KCNQ3: variants seen among roughly 807,000 people sequenced by gnomAD.
The protein encoded by KCNQ3 is potassium voltage-gated channel subfamily Q member 3, also known as potassium voltage-gated channel subfamily KQT member 3.
In KCNQ3, 30 loss-of-function variants were observed where a neutral mutation model predicts 92.5. The observed-to-expected ratio is 0.32, with a 90% CI of 0.24 to 0.44. KCNQ3 has a LOEUF of 0.44. Among genes scored for constraint, KCNQ3 ranks in the 20% least tolerant of loss-of-function variants. The pLI, the probability that KCNQ3 is intolerant of heterozygous loss-of-function variation, is 1.00. For missense variants in KCNQ3, 913 were observed against 1,140.3 expected (o/e 0.80, Z 2.87); for synonymous variants, 450 against 468.8 (o/e 0.96, Z 0.52).
chr8:132,409,774 C>G (rs960036458), intron 1 of KCNQ3, among the ~76,000 whole-genome samples: 2 of 152,160 alleles, frequency 1.3e-5, no homozygotes, highest in Non-Finnish European at 2.9e-5. Context: ...AGGAGAAATA[C>G]ATCAGGGGAG....
intron 1 of KCNQ3, among the ~76,000 whole-genome samples, chr8:132,206,305 G>C (rs1813654924): frequency 6.6e-6 from 1 of 152,120 alleles, no homozygotes; most frequent in South Asian, 2.1e-4. Flanking sequence ...AGTCCAAACT[G>C]TTCCAATTTC....
intron 1 of KCNQ3, among the ~76,000 whole-genome samples, chr8:132,285,620 T>C (rs992612944): frequency 1.1e-4 from 17 of 152,134 alleles, no homozygotes; most frequent in African/African-American, 3.9e-4. Context: ...GAGCACATGG[T>C]AGAGAATGAA....
chr8:132,401,687 T>C (rs1820337735), intron 1 of KCNQ3, among the ~76,000 whole-genome samples: 1 of 152,234 alleles, frequency 6.6e-6, no homozygotes, highest in South Asian at 2.1e-4. Context: ...TAGAACACTT[T>C]TAACTGCAAC....
intron 1 of KCNQ3, among the ~76,000 whole-genome samples, chr8:132,445,047 C>T (rs112593560): frequency 0.015 from 2,355 of 152,278 alleles, 19 homozygotes; most frequent in Middle Eastern, 0.031. Context: ...ACATGCTCTG[C>T]ACCCGATCAA....
chr8:132,462,740 C>A (rs1447498268), intron 1 of KCNQ3, among the ~76,000 whole-genome samples: 2 of 152,220 alleles, frequency 1.3e-5, no homozygotes, highest in Admixed American at 1.3e-4. Context: ...TTATACACAT[C>A]TGGCAGTGTT....
chr8:132,364,904 A>T (rs776296827), intron 1 of KCNQ3, among the ~76,000 whole-genome samples: 18 of 152,292 alleles, frequency 1.2e-4, no homozygotes, highest in Middle Eastern at 3.4e-3. Flanking sequence ...TGAAGTAGGT[A>T]CTATTATTAC....
chr8:132,251,860 C>T (rs1815422592), intron 1 of KCNQ3, among the ~76,000 whole-genome samples: 1 of 152,218 alleles, frequency 6.6e-6, no homozygotes, highest in African/African-American at 2.4e-5. Flanking sequence ...CTATCTGGAC[C>T]TTTATATGCC....
chr8:132,352,571 C>T (rs1346760304), intron 1 of KCNQ3, among the ~76,000 whole-genome samples: 1 of 152,186 alleles, frequency 6.6e-6, no homozygotes, highest in Non-Finnish European at 1.5e-5. Flanking sequence ...CACCACAGTG[C>T]TTGCAGGGAG....
chr8:132,350,889 A>G (rs1586948805), intron 1 of KCNQ3, among the ~76,000 whole-genome samples: 1 of 152,106 alleles, frequency 6.6e-6, no homozygotes, highest in Non-Finnish European at 1.5e-5. Context: ...CTCAAGAGAG[A>G]GGAATTTTTT....
intron 1 of KCNQ3, among the ~76,000 whole-genome samples, chr8:132,297,814 C>T (rs924803127): frequency 2.0e-5 from 3 of 152,308 alleles, no homozygotes; most frequent in Non-Finnish European, 2.9e-5. Flanking sequence ...AGCTGCTAAC[C>T]GGAACTCATG....
chr8:132,179,136 C>T lies in KCNQ3; in HGVS notation c.777+1021G>A, dbSNP rs1052782173. On this transcript the variant is annotated intron_variant, in intron 4 of 14. Transcript: ENST00000388996. ...GAGCTGAGACACAGGGGTTTTCCTTCATTCCTCCAGAATCCAGCTAAAGCA... is the reference window on the plus strand; with the variant it reads ...GAGCTGAGACACAGGGGTTTTCCTTTATTCCTCCAGAATCCAGCTAAAGCA... 2.0e-5 allele frequency among the ~76,000 whole-genome samples: 3 copies of T among 150,936 alleles called. No homozygotes were observed. The South Asian group carries it at 6.4e-4, about 32-fold the overall frequency.
chr8:132,282,420 A>T (rs1004030816), intron 1 of KCNQ3, among the ~76,000 whole-genome samples: 2 of 152,110 alleles, frequency 1.3e-5, no homozygotes, highest in African/African-American at 4.8e-5. Context: ...TCCCAGTCCC[A>T]TCTGTCCCCC....
rs78020048 is a variant in KCNQ3, at chr8:132,132,521, G to A, written c.1800-257C>T. The stretch of plus-strand genomic sequence containing the variant: ...CCAAATATCAAGCTGCTATTAAGGA[G>A]GCTTTGCTTTGTGTTAAACATTATA... On this transcript the variant is annotated intron_variant, in intron 13 of 14. Transcript: ENST00000388996. Among the ~76,000 whole-genome samples, 18 of 152,318 alleles carry A rather than the reference G, an allele frequency of 1.2e-4. No individual in the cohort carries two copies. The East Asian group carries it at 3.5e-3, about 29-fold the overall frequency.
intron 3 of KCNQ3, among the ~76,000 whole-genome samples, chr8:132,183,898 A>G (rs947941746): frequency 1.1e-4 from 17 of 152,126 alleles, no homozygotes; most frequent in African/African-American, 4.1e-4. Flanking sequence ...GGTAACTTTG[A>G]TTGTCACAGT....
intron 9 of KCNQ3, among the ~76,000 whole-genome samples, chr8:132,160,880 A>G (rs1825964526): frequency 6.6e-6 from 1 of 152,144 alleles, no homozygotes; most frequent in East Asian, 1.9e-4. Context: ...TATAAAGTAT[A>G]TATGCTTTAT....
chr8:132,155,338 T>C (rs1825770353), intron 9 of KCNQ3, among the ~76,000 whole-genome samples: 1 of 152,126 alleles, frequency 6.6e-6, no homozygotes. Context: ...AGGAGAAAAG[T>C]GTTGCAAAGC....
intron 1 of KCNQ3, among the ~76,000 whole-genome samples, chr8:132,232,787 C>A (rs1814684256): frequency 6.6e-6 from 1 of 152,168 alleles, no homozygotes; most frequent in Non-Finnish European, 1.5e-5. Flanking sequence ...GCCCCAGCTT[C>A]CCTTGTGGAT....
intron 1 of KCNQ3, among the ~76,000 whole-genome samples, chr8:132,292,583 A>G (rs1320557151): frequency 6.6e-6 from 1 of 152,246 alleles, no homozygotes; most frequent in Non-Finnish European, 1.5e-5. Context: ...GGAGACCAAC[A>G]GAGGAATGAA....
chr8:132,247,553 G>A (rs1006252715), intron 1 of KCNQ3, among the ~76,000 whole-genome samples: 1 of 152,100 alleles, frequency 6.6e-6, no homozygotes, highest in African/African-American at 2.4e-5. Context: ...TTCAGAGGTC[G>A]AGGTGGGCGG....
Sources: gnomAD v4.1 joint callset for allele counts (sites outside exome capture counted in the v4.1 genomes callset) on GRCh38, gnomAD v4.1.1 for gene constraint, MANE v1.5 for transcripts, NCBI Gene and HGNC (gene_info 2026-07-23, HGNC 2026-07-21) for gene names.